FBN1: variants seen among roughly 807,000 people sequenced by gnomAD.
FBN1 encodes the protein fibrillin-1.
Under a neutral mutation model 365.1 loss-of-function variants are expected in FBN1, and 29 were observed. The observed-to-expected ratio is 0.08, with a 90% CI of 0.06 to 0.11. The LOEUF is 0.11. Ranked by LOEUF, FBN1 falls within the 10% of genes least tolerant of loss-of-function variation. The pLI is 1.00. For synonymous variants in FBN1, 1,210 were observed against 1,270.5 expected (o/e 0.95, Z 1.01); for missense variants, 2,476 against 3,703.2 (o/e 0.67, Z 8.60).
intron 6 of FBN1, among the ~76,000 whole-genome samples, chr15:48,557,245 T>C (rs543531744): frequency 2.0e-5 from 3 of 152,278 alleles, no homozygotes; most frequent in South Asian, 4.1e-4. Context: ...CGTCACTTCA[T>C]AGATGAAAAA....
At chr15:48,527,034 A>G (rs1402052718) in intron 8 of FBN1, among the ~76,000 whole-genome samples, 1 of 152,162 alleles carries the variant, frequency 6.6e-6, no homozygotes, top group African/African-American at 2.4e-5. Flanking sequence ...CCAATGGGAG[A>G]CAACACTGAA....
At chr15:48,589,419 C>T (rs1472142996) in intron 6 of FBN1, among the ~76,000 whole-genome samples, 1 of 151,962 alleles carries the variant, frequency 6.6e-6, no homozygotes, top group Non-Finnish European at 1.5e-5. Context: ...GCATGTGTGC[C>T]CTCAGTGTAT....
intron 17 of FBN1, among the ~76,000 whole-genome samples, chr15:48,503,348 C>T (rs1012842049): frequency 1.3e-5 from 2 of 148,456 alleles, no homozygotes; most frequent in African/African-American, 5.0e-5. Flanking sequence ...AAGAAAACCA[C>T]ACCAAAATCA....
intron 8 of FBN1, among the ~76,000 whole-genome samples, chr15:48,530,514 G>A (rs1467650571): frequency 1.3e-5 from 2 of 152,056 alleles, no homozygotes; most frequent in African/African-American, 4.8e-5. Flanking sequence ...AAGGACGGGA[G>A]CCAGGCCTGC....
At chr15:48,451,042 A>G (rs1467201191) in intron 45 of FBN1, among the ~76,000 whole-genome samples, 2 of 152,214 alleles carry the variant, frequency 1.3e-5, no homozygotes, top group African/African-American at 4.8e-5. Flanking sequence ...TTTGGCTGCA[A>G]ATGATGCTCA....
rs16961149 is a variant in FBN1, at chr15:48,558,663, T to G, written c.539-20855A>C. Among the ~76,000 whole-genome samples, 2,523 of 152,224 alleles carry G rather than the reference T, an allele frequency of 0.017. 206 individuals are homozygous for G. In the East Asian group the frequency reaches 0.24, roughly 14 times the overall value. ...TAATAAAACAACAGAAATATATGAA[T>G]AGCAGACAGATCAGATTCAGAGAGA... On this transcript the variant is annotated intron_variant, in intron 6 of 65. Transcript: ENST00000316623.
At chr15:48,512,422 C>A (rs2043767813) in intron 13 of FBN1, among the ~76,000 whole-genome samples, 1 of 152,138 alleles carries the variant, frequency 6.6e-6, no homozygotes, top group African/African-American at 2.4e-5. Context: ...TATTTCATTA[C>A]CCAGGTATTA....
At chr15:48,452,895 T>C (rs1477017641) in intron 44 of FBN1, among the ~76,000 whole-genome samples, 3 of 152,158 alleles carry the variant, frequency 2.0e-5, no homozygotes, top group African/African-American at 7.2e-5. Context: ...CTGTGGTACA[T>C]TCAGACAATG....
intron 49 of FBN1, among the ~76,000 whole-genome samples, chr15:48,444,139 C>T (rs948136147): frequency 4.6e-5 from 7 of 152,054 alleles, no homozygotes; most frequent in Admixed American, 1.3e-4. Context: ...AATAGACAAA[C>T]GATATAACCA....
At chr15:48,639,278 C>T (rs1890155689) in intron 2 of FBN1, among the ~76,000 whole-genome samples, 2 of 152,162 alleles carry the variant, frequency 1.3e-5, no homozygotes, top group Admixed American at 6.5e-5. Flanking sequence ...TGAAAGCACC[C>T]AGCTTGTAGA....
At chr15:48,486,883 T>C (rs1566909262) in intron 29 of FBN1, among the ~76,000 whole-genome samples, 192 bp downstream of exon 29, 1 of 151,988 alleles carries the variant, frequency 6.6e-6, no homozygotes. Context: ...GATCCAAAGA[T>C]CGTGAGCCAC....
chr15:48,620,855 C>T (rs779561148), intron 2 of FBN1, among the ~76,000 whole-genome samples: 2 of 152,048 alleles, frequency 1.3e-5, no homozygotes, highest in African/African-American at 4.8e-5. Context: ...GGAATCAGGG[C>T]TCCTGGGAGA....
In FBN1 at chr15:48,582,481, G is replaced by A. The variant is rs148201867; in HGVS notation, c.538+13802C>T. Among the ~76,000 whole-genome samples the A allele has an allele frequency of 1.3e-3, 200 of 152,186 alleles. 1 individual carries two copies. Among genetic ancestry groups the A allele is most frequent in the African/African-American group, 4.6e-3 (189 of 41,534 alleles). ...TTCTAAAGCCCACAAAACCACATGT[G>A]GTATTAGAAAAAAATGACATGACCA... On this transcript the variant is annotated intron_variant, in intron 6 of 65. Coordinates refer to ENST00000316623, the MANE Select transcript of FBN1 (RefSeq NM_000138.5).
intron 6 of FBN1, among the ~76,000 whole-genome samples, chr15:48,573,242 C>T (rs1031977313): frequency 6.6e-6 from 1 of 152,116 alleles, no homozygotes; most frequent in Non-Finnish European, 1.5e-5. Flanking sequence ...TATACATATG[C>T]TGAGTTATGT....
intron 15 of FBN1, among the ~76,000 whole-genome samples, chr15:48,506,109 G>A (rs553034294): frequency 3.7e-4 from 57 of 152,280 alleles, no homozygotes; most frequent in African/African-American, 1.4e-3. Flanking sequence ...TATAATCCCA[G>A]CAACTTGGGA....
chr15:48,555,918 T>G (rs1161001555), intron 6 of FBN1, among the ~76,000 whole-genome samples: 3 of 152,176 alleles, frequency 2.0e-5, no homozygotes, highest in South Asian at 4.1e-4. Context: ...CTTCTACATT[T>G]CTAATGGGGG....
intron 4 of FBN1, among the ~76,000 whole-genome samples, chr15:48,607,574 G>A (rs1459651690): frequency 6.6e-6 from 1 of 151,370 alleles, no homozygotes; most frequent in East Asian, 1.9e-4. Context: ...TGCCATGTGA[G>A]GACACACAGA....
chr15:48,491,690 C>T (rs1384653366), intron 24 of FBN1, among the ~76,000 whole-genome samples: 1 of 152,178 alleles, frequency 6.6e-6, no homozygotes, highest in African/African-American at 2.4e-5. Context: ...ACTGAGCCTA[C>T]ACTTCAAAGT....
intron 2 of FBN1, among the ~76,000 whole-genome samples, chr15:48,627,841 C>A (rs1315133111): frequency 6.6e-6 from 1 of 152,168 alleles, no homozygotes; most frequent in Non-Finnish European, 1.5e-5. Flanking sequence ...GGGAAGATGT[C>A]ACAGTATTTG....
Sources: allele counts gnomAD v4.1 joint callset (sites outside exome capture counted in the v4.1 genomes callset), GRCh38; gene constraint gnomAD v4.1.1; transcripts MANE v1.5; gene names NCBI Gene and HGNC (gene_info 2026-07-23, HGNC 2026-07-21).